Variants in ZNF653 observed in about 807,000 individuals in gnomAD.
ZNF653 encodes the protein 67 kDa zinc finger protein.
In ZNF653, 37 loss-of-function variants were observed where a neutral mutation model predicts 59.9. That is an observed-to-expected ratio of 0.62 (90% CI 0.48 to 0.81). ZNF653 has a LOEUF of 0.81. Ranked by LOEUF, ZNF653 falls within the 40% of genes least tolerant of loss-of-function variation. The pLI is 0.00. For missense variants in ZNF653, 808 were observed against 881.1 expected, an observed-to-expected ratio of 0.92 and a Z score of 1.05; for synonymous variants, 435 against 371.8, an observed-to-expected ratio of 1.17 and a Z score of -1.96.
intron 1 of ZNF653, among the ~76,000 whole-genome samples, chr19:11,499,007 G>A (rs1008888298): frequency 6.6e-6 from 1 of 152,202 alleles, no homozygotes; most frequent in Non-Finnish European, 1.5e-5. Flanking sequence ...TTACAGGCGT[G>A]AGCCACCGTG....
chr19:11,497,047 C>G (rs1971596031), intron 2 of ZNF653, among the ~76,000 whole-genome samples: 1 of 152,220 alleles, frequency 6.6e-6, no homozygotes, highest in East Asian at 1.9e-4. Context: ...CCTGCTTCCT[C>G]TAGATAACTG....
rs1013576156 is a variant in ZNF653 at position 11,495,264 on chromosome 19, G to A, written c.559+686C>T. 2.6e-5 allele frequency among the ~76,000 whole-genome samples: 4 copies of A among 152,092 alleles called. No homozygotes were observed. The highest frequency in any genetic ancestry group is 2.1e-4 in the South Asian group (1 of 4,826). On this transcript the variant is annotated intron_variant, in intron 3 of 8. Coordinates refer to ENST00000293771, the MANE Select transcript of ZNF653 (RefSeq NM_138783.4). The surrounding 1 kb of genome is among the most constrained non-coding windows in gnomAD (Gnocchi z 4.9). ...GCCTCCCTCACTGAGTCCCTGCCCC[G>A]TGGGATGGGAAGGAGAGAGGCAGGG... is the stretch of plus-strand genomic sequence containing the variant.
Position 11,483,865 on chromosome 19 carries a change from G to C in ZNF653, c.1671-6C>G. On this transcript the variant is annotated splice_region_variant and splice_polypyrimidine_tract_variant and intron_variant, in intron 8 of 8. Transcript: ENST00000293771. Reference sequence around the variant, plus strand: ...GGTAGCCACAGATCTCGCACCTGCCGGGAGCCCGTGGCGGGACGGGGCGGG... The same window carrying C: ...GGTAGCCACAGATCTCGCACCTGCCCGGAGCCCGTGGCGGGACGGGGCGGG... 1 of 1,578,172 alleles carries C rather than the reference G, an allele frequency of 6.3e-7. No individual in the cohort carries two copies. The highest frequency in any genetic ancestry group is 8.6e-7 in the Non-Finnish European group (1 of 1,164,842).
intron 2 of ZNF653, 44 bp downstream of exon 2, chr19:11,498,252 G>T (rs986430646): frequency 2.5e-6 from 4 of 1,612,828 alleles, no homozygotes; most frequent in Admixed American, 1.7e-5. Context: ...TATTCCCACC[G>T]CTCCCAACTC....
intron 3 of ZNF653, among the ~76,000 whole-genome samples, chr19:11,494,002 G>A (rs1971555511): frequency 6.6e-6 from 1 of 151,484 alleles, no homozygotes; most frequent in Non-Finnish European, 1.5e-5. Flanking sequence ...CTGGGCAACC[G>A]TGAGACCCTG....
intron 3 of ZNF653, among the ~76,000 whole-genome samples, chr19:11,493,215 G>A (rs1038155051): frequency 2.0e-5 from 3 of 151,458 alleles, no homozygotes; most frequent in Non-Finnish European, 4.4e-5. Context: ...GCGCCACCAT[G>A]CCCAGCTCAT....
At chr19:11,494,391 T>TAACATAACATAACATAA (rs1971562767) in intron 3 of ZNF653, among the ~76,000 whole-genome samples, 1 of 144,178 alleles carries the variant, frequency 6.9e-6, no homozygotes, top group Non-Finnish European at 1.5e-5. Flanking sequence ...AAACATAACA[T>TAACATAACATAACATAA]AACATAACAT....
chr19:11,501,791 TAG>T (rs1267223445), intron 1 of ZNF653, among the ~76,000 whole-genome samples: 1 of 152,050 alleles, frequency 6.6e-6, no homozygotes, highest in Non-Finnish European at 1.5e-5. Context: ...AGTATCCCTT[TAG>T]TAACTTTTTT....
At position 11,495,926 on chromosome 19, in the gene ZNF653, T is replaced by C. The variant is rs746646508; in HGVS notation, c.559+24A>G. On this transcript the variant is annotated intron_variant, in intron 3 of 8. Coordinates refer to ENST00000293771, the MANE Select transcript of ZNF653 (RefSeq NM_138783.4). The surrounding 1 kb of genome is among the most constrained non-coding windows in gnomAD (Gnocchi z 4.9). ...GCCCCCAGAAATGGGCGGCCCCCTA[T>C]GTGCCCTCGCCCTGCAGACCTACCT... The C allele has an allele frequency of 3.1e-6, 5 of 1,607,236 alleles. No homozygotes were observed. Among genetic ancestry groups the C allele is most frequent in the Admixed American group, 3.4e-5 (2 of 59,204 alleles).
chr19:11,498,403 G>GT lies in ZNF653; in HGVS notation c.300-65dup, dbSNP rs1265877214. The GT allele has an allele frequency of 1.9e-6, 3 of 1,604,854 alleles. No individual in the cohort carries two copies. The African/African-American group carries it at 4.0e-5, about 21-fold the overall frequency. On this transcript the variant is annotated intron_variant, in intron 1 of 8. Coordinates refer to ENST00000293771, the MANE Select transcript of ZNF653 (RefSeq NM_138783.4). Reference sequence around the variant, plus strand: ...AGCGCTGGGCCTGTCTGACCCATGAGTAACAACAGTGGCTAGAGCCACTGC... The same window carrying GT: ...AGCGCTGGGCCTGTCTGACCCATGAGTTAACAACAGTGGCTAGAGCCACTGC...
intron 3 of ZNF653, among the ~76,000 whole-genome samples, chr19:11,494,309 C>G (rs1971559205): frequency 6.6e-6 from 1 of 151,008 alleles, no homozygotes; most frequent in African/African-American, 2.4e-5. Context: ...GTGACAGAGA[C>G]AGAATCTGTC....
chr19:11,497,965 C>T (rs1326578217), intron 2 of ZNF653, among the ~76,000 whole-genome samples: 3 of 152,200 alleles, frequency 2.0e-5, no homozygotes, highest in African/African-American at 7.2e-5. Context: ...TTCAAGCTCT[C>T]ACCAACTGGT....
Position 11,495,590 on chromosome 19 carries a change from G to C in ZNF653, c.559+360C>G, listed in dbSNP as rs1971578064. 1 of 337,606 alleles carries C rather than the reference G, an allele frequency of 3.0e-6. No homozygotes were observed. Among genetic ancestry groups the C allele is most frequent in the Admixed American group, 4.4e-5 (1 of 22,802 alleles). The allele number at this position is 337,606 out of a possible 1,614,324, so 20.9% of individuals were successfully genotyped here. A position where few individuals can be genotyped will look rare whatever the true frequency, so the allele number is the denominator to read the frequency against. On this transcript the variant is annotated intron_variant, in intron 3 of 8. Transcript: ENST00000293771. This position sits in a 1 kb window ranked among gnomAD's most constrained non-coding sequence, Gnocchi z 4.9. The stretch of plus-strand genomic sequence containing the variant: ...CCTATGAAGCCATAAGGCCTGGGTG[G>C]TTTAGGCGGCCGTTTCGCTGTGGGG...
intron 1 of ZNF653, among the ~76,000 whole-genome samples, chr19:11,501,692 G>A (rs1971645966): frequency 1.3e-5 from 2 of 152,166 alleles, no homozygotes; most frequent in Non-Finnish European, 2.9e-5. Context: ...ACTGCCCAGT[G>A]CTCCACTGGC....
intron 1 of ZNF653, among the ~76,000 whole-genome samples, chr19:11,499,672 G>C (rs7256655): frequency 0.022 from 3,330 of 151,264 alleles, 128 homozygotes; most frequent in African/African-American, 0.077. Context: ...AGCACGTTAG[G>C]AGGTTAAGAC....
chr19:11,496,584 T>C (rs757933381), intron 2 of ZNF653, among the ~76,000 whole-genome samples: 6 of 152,008 alleles, frequency 3.9e-5, no homozygotes, highest in Non-Finnish European at 8.8e-5. Context: ...CAGAATCCAC[T>C]GGGCCAGGCG....
intron 7 of ZNF653, among the ~76,000 whole-genome samples, chr19:11,485,092 C>A (rs976706252): frequency 3.7e-4 from 56 of 151,764 alleles, no homozygotes; most frequent in Admixed American, 9.9e-4. Context: ...CAAAAAAAAC[C>A]CCCAAACTTC....
At chr19:11,502,371 C>T (rs1178495680) in intron 1 of ZNF653, among the ~76,000 whole-genome samples, 2 of 152,196 alleles carry the variant, frequency 1.3e-5, no homozygotes, top group Non-Finnish European at 2.9e-5. Context: ...GGATTACAGG[C>T]GTGAGCTACC....
chr19:11,505,785 A>ATCCCCCCCACCCTGGTTACCAGCC lies in ZNF653; in HGVS notation c.-23_1dup (p.Thr1_?0). On this transcript the variant is annotated start_lost and start_retained_variant, in exon 1 of 9. Coordinates refer to ENST00000293771, the MANE Select transcript of ZNF653 (RefSeq NM_138783.4). ...CTCGGGCTCTAGCGCCCGCTCCGCC[A>ATCCCCCCCACCCTGGTTACCAGCC]TCCCCCCCACCCTGGTTACCAGCCT... The ATCCCCCCCACCCTGGTTACCAGCC allele has an allele frequency of 9.4e-7, 1 of 1,068,456 alleles. No homozygotes were observed. Among genetic ancestry groups the ATCCCCCCCACCCTGGTTACCAGCC allele is most frequent in the Non-Finnish European group, 1.1e-6 (1 of 881,082 alleles). The allele number at this position is 1,068,456 out of a possible 1,614,324, so 66.2% of individuals were successfully genotyped here. A position where few individuals can be genotyped will look rare whatever the true frequency, so the allele number is the denominator to read the frequency against.
Sources: gnomAD v4.1 joint callset for allele counts (sites outside exome capture counted in the v4.1 genomes callset) on GRCh38, gnomAD v4.1.1 for gene constraint, Gnocchi (gnomAD v3.1) non-coding constraint, MANE v1.5 for transcripts, NCBI Gene and HGNC (gene_info 2026-07-23, HGNC 2026-07-21) for gene names.